The following MAP6 variants were observed in gnomAD, a reference collection of about 807,000 sequenced individuals.
MAP6 encodes microtubule associated protein 6, also known as microtubule-associated protein 6.
MAP6 carries 26 observed loss-of-function variants against 42.4 expected under a neutral mutation model. The observed-to-expected ratio is 0.61, with a 90% confidence interval of 0.45 to 0.85. The LOEUF is 0.85. Among genes scored for constraint, MAP6 ranks in the 40% least tolerant of loss-of-function variants. MAP6 has a pLI of 0.00. For missense variants in MAP6, 966 were observed against 1,099.0 expected (o/e 0.88, Z 1.71); for synonymous variants, 418 against 443.8 (o/e 0.94, Z 0.73).
At chr11:75,657,480 A>C (rs187993984) in intron 1 of MAP6, among the ~76,000 whole-genome samples, 2 of 152,300 alleles carry the variant, frequency 1.3e-5, no homozygotes, top group East Asian at 1.9e-4. Context: ...TGTGTAGTGC[A>C]TCGAGGCCAG....
At chr11:75,604,582 C>G in intron 3 of MAP6, 1 of 985,090 alleles carries the variant, frequency 1.0e-6, no homozygotes, top group Non-Finnish European at 1.2e-6. Context: ...TTTGAGTTCC[C>G]TCACAAGCAC....
chr11:75,654,118 A>AT (rs1943696892), intron 1 of MAP6, among the ~76,000 whole-genome samples: 1 of 152,224 alleles, frequency 6.6e-6, no homozygotes, highest in East Asian at 1.9e-4. Flanking sequence ...TGTAAGGTAG[A>AT]TATTAGTGAT....
At chr11:75,606,419 G>A (rs949304689) in intron 2 of MAP6, among the ~76,000 whole-genome samples, 1 of 152,330 alleles carries the variant, frequency 6.6e-6, no homozygotes, top group South Asian at 2.1e-4. Flanking sequence ...CGGAAAATTT[G>A]AGAGTCAGCC....
intron 1 of MAP6, among the ~76,000 whole-genome samples, chr11:75,647,964 T>G (rs1211991892): frequency 6.6e-6 from 1 of 151,670 alleles, no homozygotes; most frequent in Non-Finnish European, 1.5e-5. Flanking sequence ...AACAGACCAA[T>G]CCAACAAAAT....
chr11:75,614,865 C>G (rs1042731378), intron 1 of MAP6, among the ~76,000 whole-genome samples: 1 of 152,176 alleles, frequency 6.6e-6, no homozygotes, highest in Non-Finnish European at 1.5e-5. Flanking sequence ...ACAGAAAATA[C>G]TGGTGTAAGC....
chr11:75,660,688 C>T (rs1306661929), intron 1 of MAP6, among the ~76,000 whole-genome samples: 1 of 152,152 alleles, frequency 6.6e-6, no homozygotes, highest in Admixed American at 6.5e-5. Context: ...CCCAGGTCAG[C>T]CAGCCAGTGG....
At chr11:75,637,366 G>A (rs1943386413) in intron 1 of MAP6, among the ~76,000 whole-genome samples, 1 of 152,186 alleles carries the variant, frequency 6.6e-6, no homozygotes, top group Admixed American at 6.5e-5. Flanking sequence ...CTGCTTTCTA[G>A]TTTGCTGTGA....
In MAP6 at chr11:75,646,708, G is replaced by A. The variant is rs151137941; in HGVS notation, c.905+20757C>T. 2.6e-5 allele frequency among the ~76,000 whole-genome samples: 4 copies of A among 152,070 alleles called. No homozygotes were observed. In the East Asian group the frequency reaches 5.8e-4, roughly 22 times the overall value. ...CCAGCTAATCGGGAGGCTGAGGCAGGAGAATCACTTGAACCCAGGAAGTGG... is the reference window on the plus strand; with the variant it reads ...CCAGCTAATCGGGAGGCTGAGGCAGAAGAATCACTTGAACCCAGGAAGTGG... On this transcript the variant is annotated intron_variant, in intron 1 of 3. Coordinates refer to ENST00000304771, the MANE Select transcript of MAP6 (RefSeq NM_033063.2).
At chr11:75,651,433 T>G (rs1165357872) in intron 1 of MAP6, among the ~76,000 whole-genome samples, 1 of 152,186 alleles carries the variant, frequency 6.6e-6, no homozygotes, top group Non-Finnish European at 1.5e-5. Context: ...TCCCTCATGG[T>G]AGAGCTCTCT....
chr11:75,654,106 C>T (rs1440971413), intron 1 of MAP6, among the ~76,000 whole-genome samples: 1 of 152,124 alleles, frequency 6.6e-6, no homozygotes, highest in Non-Finnish European at 1.5e-5. Context: ...CTTTCAACAA[C>T]TTGTAAGGTA....
chr11:75,635,062 G>A (rs117880742), intron 1 of MAP6, among the ~76,000 whole-genome samples: 1,944 of 152,286 alleles, frequency 0.013, 19 homozygotes, highest in Non-Finnish European at 0.019. Context: ...TCGGTGAACC[G>A]AAAGTTTAAG....
At chr11:75,606,222 C>T (rs555817136) in intron 2 of MAP6, among the ~76,000 whole-genome samples, 4 of 152,340 alleles carry the variant, frequency 2.6e-5, no homozygotes, top group Non-Finnish European at 5.9e-5. Context: ...CCACTGGCCA[C>T]GTGGTCTCCC....
At chr11:75,618,726 C>T (rs980147822) in intron 1 of MAP6, among the ~76,000 whole-genome samples, 5 of 152,194 alleles carry the variant, frequency 3.3e-5, no homozygotes, top group East Asian at 1.9e-4. Context: ...CAGTCGAGAC[C>T]GGCAGACCTC....
In MAP6 at chr11:75,667,958, G is replaced by C. The variant is rs760776050; in HGVS notation, c.412C>G (p.Arg138Gly). Reference protein sequence around the residue: ...WKVQRPEPSCRPRSEYQPSDA... With the variant: ...WKVQRPEPSCGPRSEYQPSDA... Reference sequence around the variant, plus strand: ...GAGGGCTGGTATTCGCTGCGCGGCCGGCAGCTGGGCTCGGGCCGCTGCACC... The same window carrying C: ...GAGGGCTGGTATTCGCTGCGCGGCCCGCAGCTGGGCTCGGGCCGCTGCACC... The change falls in exon 1 of 4, where the codon CGG becomes GGG. Residue 138 changes from arginine (R) to glycine (G), a missense_variant. By Grantham distance (125) the Arg-to-Gly change is moderately radical. This residue lies in a region of MAP6 where 943 missense variants were observed against 1,049.9 expected (regional missense o/e 0.90). Transcript: ENST00000304771. The surrounding 1 kb of genome is among the most constrained non-coding windows in gnomAD (Gnocchi z 5.6). 7.5e-7 allele frequency: 1 copy of C among 1,334,296 alleles called. No homozygotes were observed. Among genetic ancestry groups the C allele is most frequent in the Non-Finnish European group, 9.6e-7 (1 of 1,036,378 alleles). 82.7% of individuals were successfully genotyped at this position (1,334,296 alleles called of 1,614,324 possible).
chr11:75,613,449 G>A (rs536761956), intron 1 of MAP6, among the ~76,000 whole-genome samples: 50 of 152,090 alleles, frequency 3.3e-4, no homozygotes, highest in South Asian at 8.3e-4. Flanking sequence ...AGTGAGGCCC[G>A]GGGCACATTG....
intron 1 of MAP6, among the ~76,000 whole-genome samples, chr11:75,657,555 A>G (rs1565281130): frequency 2.0e-5 from 3 of 152,208 alleles, no homozygotes. Context: ...CTGGCCAATA[A>G]TTGATAAACC....
chr11:75,593,422 C>T (rs1210024350), intron 3 of MAP6, among the ~76,000 whole-genome samples: 2 of 152,226 alleles, frequency 1.3e-5, no homozygotes, highest in Non-Finnish European at 2.9e-5. Context: ...TGAGTGCACA[C>T]ACACTGACAT....
intron 2 of MAP6, among the ~76,000 whole-genome samples, chr11:75,606,231 C>T (rs936685870): frequency 6.6e-6 from 1 of 152,146 alleles, no homozygotes; most frequent in Non-Finnish European, 1.5e-5. Context: ...ACGTGGTCTC[C>T]CTTGTCCTGC....
chr11:75,643,966 T>C (rs1943516947), intron 1 of MAP6, among the ~76,000 whole-genome samples: 1 of 152,256 alleles, frequency 6.6e-6, no homozygotes, highest in Admixed American at 6.5e-5. Context: ...TGATTCTATA[T>C]ATACCAATTT....
Sources: allele counts gnomAD v4.1 joint callset (sites outside exome capture counted in the v4.1 genomes callset), GRCh38; gene constraint gnomAD v4.1.1; regional missense constraint gnomAD v4.1.1; non-coding constraint Gnocchi (gnomAD v3.1); transcripts MANE v1.5; gene names NCBI Gene and HGNC (gene_info 2026-07-23, HGNC 2026-07-21).